The following CSTB variants were observed in gnomAD, a reference collection of about 807,000 sequenced individuals.
The protein encoded by CSTB is cystatin B, also known as cystatin-B.
A neutral mutation model predicts 7.6 loss-of-function variants in CSTB; 8 were observed. The ratio of observed to expected loss-of-function variants is 1.05; its 90% confidence interval spans 0.62 to 1.89. The LOEUF is 1.89. CSTB is among the 40% of genes most tolerant of loss of function. CSTB has a pLI of 0.00. For missense variants in CSTB, 124 were observed against 126.4 expected (o/e 0.98, Z 0.09); for synonymous variants, 56 against 55.3 (o/e 1.01, Z -0.06).
intron 2 of CSTB, 92 bp from the exon 3 acceptor site, chr21:43,774,422 G>C: frequency 6.3e-7 from 1 of 1,592,848 alleles, no homozygotes; most frequent in South Asian, 1.1e-5. Context: ...AGACAATCTT[G>C]TCTTCTCCTG....
intron 1 of CSTB, 177 bp from the exon 2 acceptor site, chr21:43,774,936 A>G (rs2084003018): frequency 3.6e-5 from 24 of 673,850 alleles, no homozygotes; most frequent in Non-Finnish European, 6.4e-5. Context: ...AGAAAAAAAC[A>G]GTTCCAGCTG....
chr21:43,775,191 C>T, intron 1 of CSTB: 1 of 299,796 alleles, frequency 3.3e-6, no homozygotes, highest in Non-Finnish European at 6.5e-6. Context: ...CCACTGCACT[C>T]CACCCTGGGC....
intron 1 of CSTB, chr21:43,775,972 CT>C: frequency 2.2e-6 from 1 of 460,388 alleles, no homozygotes; most frequent in Non-Finnish European, 3.8e-6. Context: ...CCCACTCGCC[CT>C]TGCTGTATTC....
At position 43,774,124 on chromosome 21, in the gene CSTB, G is replaced by A; in HGVS notation, c.*78C>T. 6.3e-7 allele frequency: 1 copy of A among 1,595,274 alleles called. No homozygotes were observed. The highest frequency in any genetic ancestry group is 8.6e-7 in the Non-Finnish European group (1 of 1,163,354). ...AGCCCGGAGATGAAGCTTATTTTAG[G>A]ATCACAAGTGCACGCTCTGGTAGAC... On this transcript the variant is annotated 3_prime_UTR_variant, in exon 3 of 3. Coordinates refer to ENST00000291568, the MANE Select transcript of CSTB (RefSeq NM_000100.4).
At chr21:43,775,692 T>C (rs1432067624) in intron 1 of CSTB, 2 of 153,362 alleles carry the variant, frequency 1.3e-5, no homozygotes, top group Non-Finnish European at 2.9e-5. Context: ...TTGGCCAAAC[T>C]GTAGTCGGGC....
chr21:43,774,632 A>G, intron 2 of CSTB, 26 bp downstream of exon 2: 2 of 1,578,802 alleles, frequency 1.3e-6, no homozygotes, highest in Non-Finnish European at 1.7e-6. Context: ...CGTTCGGGGC[A>G]GGCCCTCCTG....
chr21:43,774,592 G>A (rs907832451), intron 2 of CSTB, 66 bp downstream of exon 2: 112 of 1,400,226 alleles, frequency 8.0e-5, no homozygotes, highest in South Asian at 5.3e-4. Flanking sequence ...ACACAGCCCG[G>A]GCCTGCACAG....
Position 43,774,739 on chromosome 21 carries a change from C to G in CSTB, c.87G>C (p.Glu29Asp). Residue 29 changes from glutamate to aspartate, a missense_variant, in exon 2 of 3, where the codon GAG (glutamate) becomes GAC (aspartate). By Grantham distance (45) the Glu-to-Asp change is conservative. Transcript: ENST00000291568. Reference sequence around the variant, plus strand: ...ACACAGGGAACTTCTTGTTTTCTTTCTCTTCAAGCTGGGACCTCACCTAGA... The same window carrying G: ...ACACAGGGAACTTCTTGTTTTCTTTGTCTTCAAGCTGGGACCTCACCTAGA... Reference protein sequence around the residue: ...IADQVRSQLEEKENKKFPVFK... With the variant: ...IADQVRSQLEDKENKKFPVFK... 6.2e-7 allele frequency: 1 copy of G among 1,614,134 alleles called. No individual in the cohort carries two copies. The highest frequency in any genetic ancestry group is 8.5e-7 in the Non-Finnish European group (1 of 1,179,974).
At chr21:43,774,545 CAG>C in intron 2 of CSTB, 111 bp downstream of exon 2, 1 of 1,153,154 alleles carries the variant, frequency 8.7e-7, no homozygotes, top group Non-Finnish European at 1.3e-6. Context: ...ATGCTTATCT[CAG>C]GGGGCAGCCA....
At position 43,775,100 on chromosome 21, in the gene CSTB, G is replaced by T. The variant is rs571932981; in HGVS notation, c.67-341C>A. 13 of 363,722 alleles carry T rather than the reference G, an allele frequency of 3.6e-5. No homozygotes were observed. The East Asian group carries it at 7.0e-4, about 20-fold the overall frequency. The allele number at this position is 363,722 out of a possible 1,614,324, so 22.5% of individuals were successfully genotyped here. A position where few individuals can be genotyped will look rare whatever the true frequency, so the allele number is the denominator to read the frequency against. On this transcript the variant is annotated intron_variant, in intron 1 of 2. Coordinates refer to ENST00000291568, the MANE Select transcript of CSTB (RefSeq NM_000100.4). ...TAGCTGGGCGTGGTGGCGAGCACCTGCAATCCCAGCTACTCGGGAGGCTAA... is the reference window on the plus strand; with the variant it reads ...TAGCTGGGCGTGGTGGCGAGCACCTTCAATCCCAGCTACTCGGGAGGCTAA...
chr21:43,776,168 G>A, intron 1 of CSTB, 36 bp downstream of exon 1: 1 of 1,515,820 alleles, frequency 6.6e-7, no homozygotes, highest in Non-Finnish European at 8.8e-7. Flanking sequence ...GCTAAGGCAG[G>A]ACTCCGGGCC....
chr21:43,776,277 G>T lies in CSTB; in HGVS notation c.-8C>A. ...GGGCGCCCCGCACATCATCTTGGCGGCGACGGAGGGAATCTGGCGAGGGGA... is the reference window on the plus strand; with the variant it reads ...GGGCGCCCCGCACATCATCTTGGCGTCGACGGAGGGAATCTGGCGAGGGGA... On this transcript the variant is annotated 5_prime_UTR_variant, in exon 1 of 3. Coordinates refer to ENST00000291568, the MANE Select transcript of CSTB (RefSeq NM_000100.4). The T allele has an allele frequency of 6.5e-7, 1 of 1,529,250 alleles. No individual in the cohort carries two copies. The allele number at this position is 1,529,250 out of a possible 1,614,324, so 94.7% of individuals were successfully genotyped here. A position where few individuals can be genotyped will look rare whatever the true frequency, so the allele number is the denominator to read the frequency against.
chr21:43,774,358 C>G, intron 2 of CSTB, 28 bp from the exon 3 acceptor site: 1 of 1,614,032 alleles, frequency 6.2e-7, no homozygotes, highest in Non-Finnish European at 8.5e-7. Context: ...TGAGCGAAGC[C>G]TCTGATCCCA....
chr21:43,776,228 G>A lies in CSTB; in HGVS notation c.42C>T (p.Ala14=). 3.9e-6 allele frequency: 6 copies of A among 1,531,602 alleles called. No individual in the cohort carries two copies. The highest frequency in any genetic ancestry group is 5.3e-6 in the Non-Finnish European group (6 of 1,142,430). The allele number at this position is 1,531,602 out of a possible 1,614,324, so 94.9% of individuals were successfully genotyped here. A position where few individuals can be genotyped will look rare whatever the true frequency, so the allele number is the denominator to read the frequency against. ...GAPSATQPAT[A]ETQHIADQVR... Reference sequence around the variant, plus strand: ...CCTGGTCGGCGATGTGCTGGGTCTCGGCGGTGGCCGGCTGCGTGGCGGAGG... The same window carrying A: ...CCTGGTCGGCGATGTGCTGGGTCTCAGCGGTGGCCGGCTGCGTGGCGGAGG... Residue 14 remains alanine, a synonymous_variant, in exon 1 of 3, where the codon GCC becomes GCT. Coordinates refer to ENST00000291568, the MANE Select transcript of CSTB (RefSeq NM_000100.4).
intron 2 of CSTB, 68 bp from the exon 3 acceptor site, chr21:43,774,398 T>C (rs2084000124): frequency 1.2e-6 from 2 of 1,609,914 alleles, no homozygotes; most frequent in African/African-American, 1.3e-5. Flanking sequence ...TCCAGGTCAT[T>C]AGCAGCCAGC....
chr21:43,775,176 T>C, intron 1 of CSTB: 1 of 325,000 alleles, frequency 3.1e-6, no homozygotes, highest in Non-Finnish European at 6.0e-6. Flanking sequence ...TGGGCCGAGA[T>C]TGTGCCACTG....
Position 43,776,186 on chromosome 21 carries a change from TC to T in CSTB, c.66+17del. The stretch of plus-strand genomic sequence containing the variant: ...AAGGCAGGACTCCGGGCCGGCCCCG[TC>T]CCCGCGGCCCACCCACCTGGTCGGC... On this transcript the variant is annotated intron_variant, in intron 1 of 2. Transcript: ENST00000291568. 1 of 1,525,444 alleles carries T rather than the reference TC, an allele frequency of 6.6e-7. No individual in the cohort carries two copies. 94.5% of individuals were successfully genotyped at this position (1,525,444 alleles called of 1,614,324 possible).
chr21:43,774,894 G>A, intron 1 of CSTB, 135 bp from the exon 2 acceptor site: 1 of 740,346 alleles, frequency 1.4e-6, no homozygotes, highest in South Asian at 1.4e-5. Flanking sequence ...ACAACTGAAG[G>A]GACATTTAAA....
At chr21:43,776,177 C>T in intron 1 of CSTB, 27 bp downstream of exon 1, 1 of 1,523,130 alleles carries the variant, frequency 6.6e-7, no homozygotes, top group Non-Finnish European at 8.8e-7. Flanking sequence ...GGACTCCGGG[C>T]CGGCCCCGTC....
Sources: allele counts gnomAD v4.1 joint callset, GRCh38; gene constraint gnomAD v4.1.1; transcripts MANE v1.5; gene names NCBI Gene and HGNC (gene_info 2026-07-23, HGNC 2026-07-21).